ARHGEF38: variants seen among roughly 807,000 people sequenced by gnomAD.
ARHGEF38 encodes Rho guanine nucleotide exchange factor 38, also known as Rho guanine nucleotide exchange factor (GEF) 38.
Under a neutral mutation model 79.9 loss-of-function variants are expected in ARHGEF38, and 79 were observed. The ratio of observed to expected loss-of-function variants is 0.99; its 90% CI spans 0.82 to 1.19. ARHGEF38 has a LOEUF of 1.19. Among genes scored for constraint, ARHGEF38 ranks in the 50% most tolerant of loss-of-function variants. The pLI, the probability that ARHGEF38 is intolerant of heterozygous loss-of-function variation, is 0.00. For missense variants in ARHGEF38, 962 were observed against 907.2 expected (o/e 1.06, Z -0.78); for synonymous variants, 366 against 328.3 (o/e 1.11, Z -1.24).
At chr4:105,657,594 T>G (rs1028514640) in intron 9 of ARHGEF38, among the ~76,000 whole-genome samples, 14 of 150,252 alleles carry the variant, frequency 9.3e-5, no homozygotes, top group South Asian at 6.3e-4. Flanking sequence ...AGTCACTGGA[T>G]ATATATATAT....
intron 5 of ARHGEF38, among the ~76,000 whole-genome samples, chr4:105,643,115 C>A (rs924650492): frequency 6.7e-6 from 1 of 149,628 alleles, no homozygotes; most frequent in Non-Finnish European, 1.5e-5. Flanking sequence ...TAGAAAATAT[C>A]TTTTGGGTTT....
intron 1 of ARHGEF38, among the ~76,000 whole-genome samples, chr4:105,554,446 A>G (rs1725160146): frequency 2.0e-5 from 3 of 152,146 alleles, no homozygotes; most frequent in Admixed American, 1.3e-4. Flanking sequence ...CATAAGTGAG[A>G]ACATGCAGTA....
chr4:105,661,901 A>G (rs1730578631), intron 10 of ARHGEF38, among the ~76,000 whole-genome samples: 1 of 152,058 alleles, frequency 6.6e-6, no homozygotes, highest in South Asian at 2.1e-4. Flanking sequence ...ATCTATTTCC[A>G]ACGTTTTTTT....
chr4:105,589,768 C>T (rs926045463), intron 2 of ARHGEF38, among the ~76,000 whole-genome samples: 1 of 152,136 alleles, frequency 6.6e-6, no homozygotes, highest in Non-Finnish European at 1.5e-5. Context: ...TGCTGTGGCT[C>T]ATGCCTGTAA....
intron 2 of ARHGEF38, among the ~76,000 whole-genome samples, chr4:105,605,544 C>A (rs1334666587): frequency 6.6e-6 from 1 of 152,188 alleles, no homozygotes; most frequent in African/African-American, 2.4e-5. Context: ...AAGCATTTAT[C>A]TGCAAGATTA....
intron 2 of ARHGEF38, 108 bp from the exon 3 acceptor site, chr4:105,613,276 G>A: frequency 7.5e-7 from 1 of 1,329,278 alleles, no homozygotes; most frequent in Non-Finnish European, 1.0e-6. Flanking sequence ...AACAGAAATG[G>A]TTAATGGAGA....
chr4:105,561,454 A>AATGGAATG (rs1560684495), intron 1 of ARHGEF38: 555 of 36,092 alleles, frequency 0.015, 34 homozygotes, highest in Non-Finnish European at 0.022. Flanking sequence ...AGAATGGAAT[A>AATGGAATG]GAATAGAATA....
intron 2 of ARHGEF38, among the ~76,000 whole-genome samples, chr4:105,610,199 G>A (rs1339997280): frequency 1.3e-5 from 2 of 152,032 alleles, no homozygotes; most frequent in South Asian, 4.2e-4. Flanking sequence ...ACACACTAGG[G>A]CTGATTAGGG....
chr4:105,552,785 C>T lies in ARHGEF38; in HGVS notation c.20C>T (p.Thr7Ile). Residue 7 changes from threonine (T) to isoleucine (I), a missense_variant, in exon 1 of 14, where the codon ACT becomes ATT. Thr to Ile is a moderately conservative substitution (Grantham distance 89). Coordinates refer to ENST00000420470, the MANE Select transcript of ARHGEF38 (RefSeq NM_001242729.2). ...CCTAATATGGAGCCCAAAGAAGCCA[C>T]TGGGAAAGAAAACATGGTCACCAAG... MEPKEA[T>I]GKENMVTKKK... The T allele has an allele frequency of 6.2e-7, 1 of 1,610,616 alleles. No homozygotes were observed. Among genetic ancestry groups the T allele is most frequent in the Non-Finnish European group, 8.5e-7 (1 of 1,178,916 alleles).
At chr4:105,592,808 C>T (rs1306713178) in intron 2 of ARHGEF38, among the ~76,000 whole-genome samples, 1 of 152,080 alleles carries the variant, frequency 6.6e-6, no homozygotes, top group Non-Finnish European at 1.5e-5. Flanking sequence ...GTGCACACTC[C>T]CAACACCAAA....
chr4:105,663,405 C>G (rs1029148554), intron 10 of ARHGEF38, among the ~76,000 whole-genome samples: 2 of 152,040 alleles, frequency 1.3e-5, no homozygotes, highest in Non-Finnish European at 2.9e-5. Flanking sequence ...TGTGTAATAG[C>G]TCTCCAAAAC....
chr4:105,666,704 C>T (rs980803105), intron 11 of ARHGEF38, among the ~76,000 whole-genome samples: 8 of 152,098 alleles, frequency 5.3e-5, no homozygotes, highest in African/African-American at 1.9e-4. Flanking sequence ...AGGGCCCGAG[C>T]TGAGGGGGGG....
At chr4:105,645,611 A>G (rs1443943701) in intron 6 of ARHGEF38, among the ~76,000 whole-genome samples, 1 of 152,196 alleles carries the variant, frequency 6.6e-6, no homozygotes, top group African/African-American at 2.4e-5. Context: ...TCAAGCAGCC[A>G]TATGCTCAAC....
chr4:105,578,632 C>G (rs556044671), intron 1 of ARHGEF38, among the ~76,000 whole-genome samples: 1 of 152,244 alleles, frequency 6.6e-6, no homozygotes, highest in South Asian at 2.1e-4. Context: ...ATGATATCTT[C>G]CTGTCGAAAT....
At chr4:105,633,617 G>A (rs1433155149) in intron 4 of ARHGEF38, among the ~76,000 whole-genome samples, 1 of 152,094 alleles carries the variant, frequency 6.6e-6, no homozygotes, top group African/African-American at 2.4e-5. Flanking sequence ...CGAGAGAGGT[G>A]GCTTCATGCC....
At chr4:105,660,871 A>G (rs1730536849) in intron 10 of ARHGEF38, among the ~76,000 whole-genome samples, 1 of 152,152 alleles carries the variant, frequency 6.6e-6, no homozygotes, top group Non-Finnish European at 1.5e-5. Flanking sequence ...CACCTATTTA[A>G]AGTATACAAT....
intron 4 of ARHGEF38, among the ~76,000 whole-genome samples, chr4:105,634,759 A>G (rs1361034691): frequency 6.6e-6 from 1 of 152,100 alleles, no homozygotes; most frequent in Non-Finnish European, 1.5e-5. Flanking sequence ...TTCTAGCTTC[A>G]TGTCTAGTTG....
At chr4:105,621,070 G>A (rs764111758) in intron 3 of ARHGEF38, among the ~76,000 whole-genome samples, 1 of 152,174 alleles carries the variant, frequency 6.6e-6, no homozygotes, top group Non-Finnish European at 1.5e-5. Flanking sequence ...CCCAGCAGAG[G>A]CCAGCCTCCC....
chr4:105,645,220 T>C lies in ARHGEF38; in HGVS notation c.707T>C (p.Leu236Ser), dbSNP rs1729787633. 1.3e-6 allele frequency: 2 copies of C among 1,531,866 alleles called. No homozygotes were observed. Among genetic ancestry groups the C allele is most frequent in the African/African-American group, 1.4e-5 (1 of 72,876 alleles). 94.9% of individuals were successfully genotyped at this position (1,531,866 alleles called of 1,614,324 possible). A position where few individuals can be genotyped will look rare whatever the true frequency, so the allele number is the denominator to read the frequency against. ...GKPNLLDMGS[L>S]MIKPIQRVMK... ...CCAAACTTATTGGACATGGGCTCTT[T>C]GATGATCAAACCAATTCAACGTGTG... is the stretch of plus-strand genomic sequence containing the variant. The change falls in exon 6 of 14, where the codon TTG (leucine) becomes TCG (serine). Residue 236 changes from leucine (L) to serine (S), a missense_variant. Coordinates refer to ENST00000420470, the MANE Select transcript of ARHGEF38 (RefSeq NM_001242729.2).
Sources: gnomAD v4.1 joint callset for allele counts (sites outside exome capture counted in the v4.1 genomes callset) on GRCh38, gnomAD v4.1.1 for gene constraint, MANE v1.5 for transcripts, NCBI Gene and HGNC (gene_info 2026-07-23, HGNC 2026-07-21) for gene names.